Variants in ROBO2 observed in about 807,000 individuals in gnomAD.
The protein encoded by ROBO2 is roundabout guidance receptor 2.
A neutral mutation model predicts 160.8 loss-of-function variants in ROBO2; 53 were observed. The observed-to-expected ratio is 0.33, with a 90% confidence interval of 0.26 to 0.41. ROBO2 has a LOEUF of 0.41. Ranked by LOEUF, ROBO2 falls within the 10% of genes least tolerant of loss-of-function variation. The pLI, the probability that ROBO2 is intolerant of heterozygous loss-of-function variation, is 1.00. For synonymous variants in ROBO2, 664 were observed against 611.7 expected, an observed-to-expected ratio of 1.09 and a Z score of -1.26; for missense variants, 1,577 against 1,722.4, an observed-to-expected ratio of 0.92 and a Z score of 1.49.
chr3:75,919,018 A>G (rs1340006077), intron 1 of ROBO2, among the ~76,000 whole-genome samples: 2 of 152,104 alleles, frequency 1.3e-5, no homozygotes, highest in Non-Finnish European at 2.9e-5. Flanking sequence ...TCCTATTTGC[A>G]TACCTTTTAT....
intron 2 of ROBO2, among the ~76,000 whole-genome samples, chr3:76,071,407 G>A (rs1013385767): frequency 2.0e-5 from 3 of 152,092 alleles, no homozygotes; most frequent in South Asian, 4.1e-4. Flanking sequence ...TATCTCATCA[G>A]TAACTATCTA....
intron 2 of ROBO2, among the ~76,000 whole-genome samples, chr3:76,936,501 G>C (rs1262871013): frequency 6.6e-6 from 1 of 152,020 alleles, no homozygotes; most frequent in Admixed American, 6.6e-5. Context: ...GGACAGCGTT[G>C]CTCCTCCAAG....
intron 2 of ROBO2, among the ~76,000 whole-genome samples, chr3:77,139,111 G>T (rs1368016951): frequency 6.6e-6 from 1 of 151,544 alleles, no homozygotes; most frequent in Non-Finnish European, 1.5e-5. Context: ...GAGTTGAGAT[G>T]AAACAAAAAC....
At chr3:76,283,764 G>C (rs141953862) in intron 2 of ROBO2, among the ~76,000 whole-genome samples, 1 of 151,924 alleles carries the variant, frequency 6.6e-6, no homozygotes, top group Non-Finnish European at 1.5e-5. Context: ...TTTTTACAAG[G>C]CCATCGAGCC....
chr3:76,231,250 G>A (rs771544531), intron 2 of ROBO2, among the ~76,000 whole-genome samples: 13 of 152,076 alleles, frequency 8.5e-5, no homozygotes, highest in Non-Finnish European at 1.6e-4. Flanking sequence ...AATTATAACC[G>A]TTTCTTGCTA....
At position 76,443,162 on chromosome 3, in the gene ROBO2, G is replaced by T. The variant is rs745331406; in HGVS notation, c.109+505560G>T. ...GGTGCCAGGATCATTTTAACATTCA[G>T]TTCTCACAGGAACTAATCAAGTAAG... On this transcript the variant is annotated intron_variant, in intron 2 of 26. Coordinates refer to the ROBO2 transcript ENST00000487694. Among the ~76,000 whole-genome samples, 3 of 151,998 alleles carry T rather than the reference G, an allele frequency of 2.0e-5. No individual in the cohort carries two copies. The East Asian group carries it at 5.8e-4, about 30-fold the overall frequency.
At chr3:77,390,642 T>C (rs2074627733) in intron 2 of ROBO2, among the ~76,000 whole-genome samples, 1 of 152,226 alleles carries the variant, frequency 6.6e-6, no homozygotes, top group African/African-American at 2.4e-5. Flanking sequence ...CTGGTAAGTC[T>C]TTATTAGCAG....
intron 2 of ROBO2, among the ~76,000 whole-genome samples, chr3:77,253,456 C>G (rs1313631733): frequency 6.6e-6 from 1 of 152,134 alleles, no homozygotes; most frequent in Admixed American, 6.5e-5. Flanking sequence ...ACTAAAAGCT[C>G]TATTCCAAAA....
intron 2 of ROBO2, among the ~76,000 whole-genome samples, chr3:77,333,255 T>C (rs969925331): frequency 6.6e-6 from 1 of 152,208 alleles, no homozygotes; most frequent in Non-Finnish European, 1.5e-5. Context: ...CATGCATTCT[T>C]AAGATGATGT....
chr3:77,537,424 G>A (rs756094418), intron 6 of ROBO2, among the ~76,000 whole-genome samples: 1 of 152,090 alleles, frequency 6.6e-6, no homozygotes, highest in South Asian at 2.1e-4. Context: ...AATGTAATTT[G>A]TATGTATATG....
At chr3:77,201,460 A>G (rs2082905395) in intron 2 of ROBO2, among the ~76,000 whole-genome samples, 3 of 152,164 alleles carry the variant, frequency 2.0e-5, no homozygotes, top group Admixed American at 2.0e-4. Context: ...TTTAAGTTAT[A>G]TTTATGATGT....
intron 2 of ROBO2, among the ~76,000 whole-genome samples, chr3:76,614,017 G>A (rs909973176): frequency 6.6e-6 from 1 of 151,778 alleles, no homozygotes; most frequent in Admixed American, 6.6e-5. Flanking sequence ...GAAAATTCTG[G>A]CCATTTCTCT....
intron 2 of ROBO2, among the ~76,000 whole-genome samples, chr3:77,383,100 C>G (rs1173656558): frequency 1.3e-5 from 2 of 152,056 alleles, no homozygotes; most frequent in Non-Finnish European, 2.9e-5. Flanking sequence ...TGACTTATAT[C>G]TTATTTTCAT....
chr3:77,584,638 T>C (rs979689678), intron 16 of ROBO2, among the ~76,000 whole-genome samples: 13 of 152,070 alleles, frequency 8.5e-5, no homozygotes, highest in African/African-American at 2.9e-4. Flanking sequence ...ATTAAAAGCA[T>C]TGTAGAGAAA....
At chr3:77,529,865 CTG>C (rs1239421127) in intron 6 of ROBO2, among the ~76,000 whole-genome samples, 1 of 151,852 alleles carries the variant, frequency 6.6e-6, no homozygotes, top group Non-Finnish European at 1.5e-5. Flanking sequence ...ATTTTAAAAA[CTG>C]AATGTTGGAT....
chr3:76,920,414 G>T (rs2076584022), intron 2 of ROBO2, among the ~76,000 whole-genome samples: 2 of 152,258 alleles, frequency 1.3e-5, no homozygotes, highest in South Asian at 4.1e-4. Flanking sequence ...TTAGGGGTCA[G>T]CAGAAACAGC....
chr3:76,263,043 G>A (rs1706865617), intron 2 of ROBO2, among the ~76,000 whole-genome samples: 1 of 152,110 alleles, frequency 6.6e-6, no homozygotes, highest in Non-Finnish European at 1.5e-5. Flanking sequence ...AGATAGGATT[G>A]ATAGACCCAA....
chr3:76,769,677 G>A (rs1019287889), intron 2 of ROBO2, among the ~76,000 whole-genome samples: 2 of 151,400 alleles, frequency 1.3e-5, no homozygotes, highest in Non-Finnish European at 3.0e-5. Context: ...TTCACAATGA[G>A]CTATCCATCT....
chr3:76,069,027 T>C (rs1366570155), intron 2 of ROBO2, among the ~76,000 whole-genome samples: 1 of 128,636 alleles, frequency 7.8e-6, no homozygotes, highest in Non-Finnish European at 1.8e-5. Flanking sequence ...GGCATTTATT[T>C]CCTCTATTTA....
Sources: allele counts gnomAD v4.1 joint callset (sites outside exome capture counted in the v4.1 genomes callset), GRCh38; gene constraint gnomAD v4.1.1; transcripts MANE v1.5; gene names NCBI Gene and HGNC (gene_info 2026-07-23, HGNC 2026-07-21).